Variants in KDM5B observed in about 807,000 individuals in gnomAD.
KDM5B encodes lysine-specific demethylase 5B.
KDM5B carries 144 observed loss-of-function variants against 193.4 expected under a neutral mutation model. That is an observed-to-expected ratio of 0.74 (90% CI 0.65 to 0.86). The LOEUF is 0.86. Ranked by LOEUF, KDM5B falls within the 40% of genes least tolerant of loss-of-function variation. KDM5B has a pLI of 0.00. For synonymous variants in KDM5B, 668 were observed against 682.6 expected (o/e 0.98, Z 0.33); for missense variants, 1,833 against 1,886.9 (o/e 0.97, Z 0.53).
At chr1:202,788,843 A>G (rs1657520000) in intron 1 of KDM5B, among the ~76,000 whole-genome samples, 1 of 152,202 alleles carries the variant, frequency 6.6e-6, no homozygotes, top group African/African-American at 2.4e-5. Flanking sequence ...CATACCTAGA[A>G]TCCAGGGAAG....
chr1:202,737,081 A>G (rs1012778621), intron 20 of KDM5B, among the ~76,000 whole-genome samples: 1 of 152,246 alleles, frequency 6.6e-6, no homozygotes, highest in African/African-American at 2.4e-5. Flanking sequence ...TTCAACAGAA[A>G]TGAAGGTTTG....
At chr1:202,778,522 A>G (rs529492046) in intron 1 of KDM5B, among the ~76,000 whole-genome samples, 1 of 152,356 alleles carries the variant, frequency 6.6e-6, no homozygotes, top group East Asian at 1.9e-4. Context: ...TTACAAAGGC[A>G]AAAATTTAAT....
In KDM5B at chr1:202,741,525, G is replaced by A. The variant is rs752648731; in HGVS notation, c.2787C>T (p.Asp929=). The A allele has an allele frequency of 1.1e-5, 17 of 1,614,072 alleles. No individual in the cohort carries two copies. Among genetic ancestry groups the A allele is most frequent in the Admixed American group, 1.7e-5 (1 of 60,002 alleles). The part of the protein sequence containing the change: ...WLEEVQQACL[D]PSSLTLDDMR... The stretch of plus-strand genomic sequence containing the variant: ...TATCATCTAAAGTAAGGGAGCTGGG[G>A]TCTAGGCAAGCTTGCTGCACCTCTT... The change falls in exon 19 of 27, where the codon GAC becomes GAT. Residue 929 remains aspartate (D), a synonymous_variant. Coordinates refer to ENST00000367265, the MANE Select transcript of KDM5B (RefSeq NM_006618.5).
At chr1:202,786,330 A>C (rs969553242) in intron 1 of KDM5B, among the ~76,000 whole-genome samples, 4 of 152,072 alleles carry the variant, frequency 2.6e-5, no homozygotes, top group African/African-American at 9.7e-5. Flanking sequence ...TTTTAAAATA[A>C]GAGCACATAT....
chr1:202,755,978 CAAA>C (rs34507234), intron 10 of KDM5B, among the ~76,000 whole-genome samples: 2,399 of 128,646 alleles, frequency 0.019, 64 homozygotes, highest in African/African-American at 0.065. Context: ...AGAAAACTAC[CAAA>C]AAAAAAAAAA....
intron 18 of KDM5B, among the ~76,000 whole-genome samples, chr1:202,742,128 C>T (rs1268188367): frequency 1.3e-5 from 2 of 152,132 alleles, no homozygotes; most frequent in African/African-American, 4.8e-5. Flanking sequence ...CCTCCTCAGC[C>T]TCCCAAAGTG....
At chr1:202,763,892 T>G (rs571839682) in intron 6 of KDM5B, among the ~76,000 whole-genome samples, 157 bp downstream of exon 6, 1 of 152,212 alleles carries the variant, frequency 6.6e-6, no homozygotes, top group Admixed American at 6.5e-5. Context: ...TATATTAAGA[T>G]TTTCTCAAAG....
At chr1:202,793,562 C>A (rs1349066853) in intron 1 of KDM5B, among the ~76,000 whole-genome samples, 1 of 152,158 alleles carries the variant, frequency 6.6e-6, no homozygotes, top group Non-Finnish European at 1.5e-5. Flanking sequence ...ATAGTCATGA[C>A]CCTCCTTAAG....
chr1:202,736,907 G>A (rs1655119040), intron 20 of KDM5B, among the ~76,000 whole-genome samples: 1 of 152,182 alleles, frequency 6.6e-6, no homozygotes, highest in African/African-American at 2.4e-5. Flanking sequence ...CTCCCAAAGT[G>A]CTGGGATTAC....
chr1:202,752,065 CACA>C (rs573775083), intron 12 of KDM5B, among the ~76,000 whole-genome samples: 1 of 152,138 alleles, frequency 6.6e-6, no homozygotes, highest in Non-Finnish European at 1.5e-5. Context: ...AACTTTAGGT[CACA>C]ACAAGTTCAC....
intron 2 of KDM5B, among the ~76,000 whole-genome samples, chr1:202,775,367 C>G (rs968919869): frequency 6.6e-6 from 1 of 150,888 alleles, no homozygotes; most frequent in Non-Finnish European, 1.5e-5. Context: ...GAAACTCCGT[C>G]TCTACTAAAA....
intron 14 of KDM5B, 53 bp from the exon 15 acceptor site, chr1:202,746,376 G>C: frequency 8.6e-7 from 1 of 1,165,256 alleles, no homozygotes. Context: ...TAATCCACCA[G>C]CCCAAGACAA....
intron 1 of KDM5B, among the ~76,000 whole-genome samples, chr1:202,793,608 C>A (rs1193417293): frequency 6.6e-6 from 1 of 152,194 alleles, no homozygotes; most frequent in East Asian, 1.9e-4. Flanking sequence ...AATAATGGAA[C>A]ACATGCCAGA....
intron 8 of KDM5B, among the ~76,000 whole-genome samples, 192 bp downstream of exon 8, chr1:202,760,223 G>A (rs1458927448): frequency 2.0e-5 from 3 of 152,024 alleles, no homozygotes; most frequent in African/African-American, 7.2e-5. Context: ...GGCTGAGGTG[G>A]GAGAACTGCT....
intron 1 of KDM5B, among the ~76,000 whole-genome samples, chr1:202,784,614 T>C (rs1657330997): frequency 6.6e-6 from 1 of 152,310 alleles, no homozygotes; most frequent in South Asian, 2.1e-4. Flanking sequence ...ACTAGGTCTA[T>C]CACAACCATT....
intron 4 of KDM5B, among the ~76,000 whole-genome samples, chr1:202,768,012 T>C (rs1205617008): frequency 6.6e-6 from 1 of 152,194 alleles, no homozygotes; most frequent in East Asian, 1.9e-4. Flanking sequence ...TCCAAAGATA[T>C]CACCTGAATT....
At chr1:202,741,327 T>G (rs763470199) in intron 19 of KDM5B, 40 bp downstream of exon 19, 54 of 1,422,048 alleles carry the variant, frequency 3.8e-5, no homozygotes, top group Non-Finnish European at 4.9e-5. Flanking sequence ...TGGAGATAAC[T>G]GTCCAACCTT....
intron 1 of KDM5B, among the ~76,000 whole-genome samples, chr1:202,807,636 G>A (rs951248819): frequency 4.6e-5 from 7 of 151,088 alleles, no homozygotes; most frequent in Admixed American, 1.3e-4. Flanking sequence ...ACGACAACTC[G>A]CAAGTCCCCC....
At chr1:202,730,884 C>T (rs1558477934) in intron 25 of KDM5B, 25 bp downstream of exon 25, 1 of 1,565,336 alleles carries the variant, frequency 6.4e-7, no homozygotes, top group Non-Finnish European at 8.7e-7. Context: ...CTGTGCCTTG[C>T]CCCAGAAGCC....
Sources: allele counts gnomAD v4.1 joint callset (sites outside exome capture counted in the v4.1 genomes callset), GRCh38; gene constraint gnomAD v4.1.1; transcripts MANE v1.5; gene names NCBI Gene and HGNC (gene_info 2026-07-23, HGNC 2026-07-21).